Variants in SEC23A observed in about 807,000 individuals in gnomAD.
SEC23A encodes SEC23 homolog A, COPII component.
In SEC23A, 56 loss-of-function variants were observed where a neutral mutation model predicts 103.7. The ratio of observed to expected loss-of-function variants is 0.54; its 90% CI spans 0.44 to 0.67. The LOEUF is 0.67. Ranked by LOEUF, SEC23A falls within the 30% of genes least tolerant of loss-of-function variation. SEC23A has a pLI of 0.00. For missense variants in SEC23A, 784 were observed against 936.4 expected, an observed-to-expected ratio of 0.84 and a Z score of 2.12; for synonymous variants, 281 against 293.0, an observed-to-expected ratio of 0.96 and a Z score of 0.42.
At chr14:39,086,395 T>C (rs888094630) in intron 6 of SEC23A, among the ~76,000 whole-genome samples, 1 of 152,110 alleles carries the variant, frequency 6.6e-6, no homozygotes, top group African/African-American at 2.4e-5. Context: ...TCCCAGCACT[T>C]TGGGAGGCCG....
rs1885321380 is a variant in SEC23A at position 39,031,986 on chromosome 14, A to T, written c.*1253T>A. Reference sequence around the variant, plus strand: ...GTTCAATTCAAATAAAATATAACAAAGCAACTTATTTAAGCTAATTGAATA... The same window carrying T: ...GTTCAATTCAAATAAAATATAACAATGCAACTTATTTAAGCTAATTGAATA... On this transcript the variant is annotated 3_prime_UTR_variant, in exon 20 of 20. Transcript: ENST00000307712. 6.6e-6 allele frequency: 1 copy of T among 152,668 alleles called. No individual in the cohort carries two copies. The highest frequency in any genetic ancestry group is 1.5e-5 in the Non-Finnish European group (1 of 68,030). 9.5% of individuals were successfully genotyped at this position (152,668 alleles called of 1,614,324 possible).
chr14:39,095,346 G>A (rs916656122), intron 2 of SEC23A, among the ~76,000 whole-genome samples: 1 of 151,592 alleles, frequency 6.6e-6, no homozygotes, highest in Non-Finnish European at 1.5e-5. Flanking sequence ...CCCAGAGTTG[G>A]AGTACAGAGG....
chr14:39,078,603 A>T (rs1388353076), intron 7 of SEC23A, among the ~76,000 whole-genome samples: 1 of 152,210 alleles, frequency 6.6e-6, no homozygotes, highest in Non-Finnish European at 1.5e-5. Flanking sequence ...TTTGCATGAA[A>T]ATTAGAGGCT....
At position 39,049,802 on chromosome 14, in the gene SEC23A, T is replaced by TA. The variant is rs201798080; in HGVS notation, c.1660-1074_1660-1073insT. Among the ~76,000 whole-genome samples, 1,332 of 151,094 alleles carry TA rather than the reference T, an allele frequency of 8.8e-3. 20 individuals carry two copies. Among genetic ancestry groups the TA allele is most frequent in the African/African-American group, 0.031 (1,264 of 41,148 alleles). On this transcript the variant is annotated intron_variant, in intron 14 of 19. Coordinates refer to ENST00000307712, the MANE Select transcript of SEC23A (RefSeq NM_006364.4). ...CTCGAAAAAGAAAAAAACAATTTTT[T>TA]TTTTTTTGAGACAAGAGTCTCGCTC...
At chr14:39,082,079 C>T (rs935722565) in intron 7 of SEC23A, among the ~76,000 whole-genome samples, 2 of 151,918 alleles carry the variant, frequency 1.3e-5, no homozygotes, top group South Asian at 2.1e-4. Flanking sequence ...AGCAAACATG[C>T]GGCATTTAAT....
chr14:39,055,328 C>T (rs777616076), intron 13 of SEC23A, 32 bp from the exon 14 acceptor site: 81 of 1,603,968 alleles, frequency 5.0e-5, no homozygotes, highest in Admixed American at 8.3e-5. Flanking sequence ...AGAAATGCTT[C>T]TGAATTATTA....
At chr14:39,075,285 G>C (rs1471282079) in intron 8 of SEC23A, among the ~76,000 whole-genome samples, 1 of 152,044 alleles carries the variant, frequency 6.6e-6, no homozygotes, top group Admixed American at 6.6e-5. Flanking sequence ...TAGTTGGCAG[G>C]AAAGAAAAGC....
intron 17 of SEC23A, chr14:39,041,408 G>GCAAAAAAAAAAAAAAA (rs1885632564): frequency 1.1e-4 from 1 of 8,818 alleles, no homozygotes; most frequent in African/African-American, 4.3e-4. Flanking sequence ...CAAAGAAAAA[G>GCAAAAAAAAAAAAAAA]CAAAAAAAAA....
chr14:39,086,399 G>C (rs1331075059), intron 6 of SEC23A, among the ~76,000 whole-genome samples: 1 of 152,178 alleles, frequency 6.6e-6, no homozygotes, highest in Non-Finnish European at 1.5e-5. Context: ...AGCACTTTGG[G>C]AGGCCGAGGA....
At chr14:39,054,997 T>C (rs901517434) in intron 14 of SEC23A, 146 bp downstream of exon 14, 1 of 861,282 alleles carries the variant, frequency 1.2e-6, no homozygotes, top group African/African-American at 1.7e-5. Context: ...TTCATTACTG[T>C]GCTACTGTCT....
In SEC23A at chr14:39,074,400, A is replaced by T; in HGVS notation, c.1103+15T>A. On this transcript the variant is annotated intron_variant, in intron 9 of 19. Coordinates refer to ENST00000307712, the MANE Select transcript of SEC23A (RefSeq NM_006364.4). ...TGCTTATAATTACAAAAACTGTAAA[A>T]ATTTAAATACATACCCAGTAAGGTT... is the stretch of plus-strand genomic sequence containing the variant. The T allele has an allele frequency of 6.6e-7, 1 of 1,512,222 alleles. No homozygotes were observed. Among genetic ancestry groups the T allele is most frequent in the Non-Finnish European group, 9.2e-7 (1 of 1,087,804 alleles). 93.7% of individuals were successfully genotyped at this position (1,512,222 alleles called of 1,614,324 possible). A position where few individuals can be genotyped will look rare whatever the true frequency, so the allele number is the denominator to read the frequency against.
Position 39,061,756 on chromosome 14 carries a change from A to G in SEC23A, c.1505+9T>C. ...TATGAAAATCAAATCTCTAACAAATACAACTTACTTCCTAGCAATGGTGGT... is the reference window on the plus strand; with the variant it reads ...TATGAAAATCAAATCTCTAACAAATGCAACTTACTTCCTAGCAATGGTGGT... On this transcript the variant is annotated intron_variant, in intron 13 of 19. Coordinates refer to ENST00000307712, the MANE Select transcript of SEC23A (RefSeq NM_006364.4). 6.3e-7 allele frequency: 1 copy of G among 1,586,684 alleles called. No individual in the cohort carries two copies.
chr14:39,068,619 A>G (rs941316451), intron 9 of SEC23A, among the ~76,000 whole-genome samples: 9 of 152,214 alleles, frequency 5.9e-5, no homozygotes, highest in Admixed American at 3.3e-4. Flanking sequence ...GGAGTAATAC[A>G]CTGCTACAGA....
intron 6 of SEC23A, among the ~76,000 whole-genome samples, chr14:39,086,108 T>G (rs1371695569): frequency 6.6e-6 from 1 of 152,086 alleles, no homozygotes; most frequent in Non-Finnish European, 1.5e-5. Flanking sequence ...AGAGTTTGTT[T>G]CGGTAGGTCT....
chr14:39,079,076 C>T (rs902122796), intron 7 of SEC23A, among the ~76,000 whole-genome samples: 1 of 152,036 alleles, frequency 6.6e-6, no homozygotes, highest in Non-Finnish European at 1.5e-5. Context: ...AGACTACATC[C>T]AATTATCATC....
intron 19 of SEC23A, 28 bp downstream of exon 19, chr14:39,039,003 A>G: frequency 6.4e-7 from 1 of 1,558,640 alleles, no homozygotes; most frequent in South Asian, 1.1e-5. Context: ...CAAAGAAATA[A>G]TTTCCAAGAC....
chr14:39,055,045 G>C (rs1886194191), intron 14 of SEC23A, 98 bp downstream of exon 14: 2 of 1,408,232 alleles, frequency 1.4e-6, no homozygotes, highest in Non-Finnish European at 2.0e-6. Context: ...CAGTATTTCA[G>C]ATACACTGTT....
Position 39,087,000 on chromosome 14 carries a change from C to T in SEC23A, c.612G>A (p.Leu204=), listed in dbSNP as rs143358320. 85 of 1,558,930 alleles carry T rather than the reference C, an allele frequency of 5.5e-5. No individual in the cohort carries two copies. The African/African-American group carries it at 1.0e-3, about 19-fold the overall frequency. ...GAGTAAGTGGTACTTTAGAGAGCCC[C>T]AGCATTTCCTGTAAAGAGATTACTT... ...DLSAKQLQEM[L]GLSKVPLTQA... The change falls in exon 6 of 20, where the codon CTG becomes CTA. Residue 204 remains leucine, a synonymous_variant. Transcript: ENST00000307712.
chr14:39,077,252 A>G (rs1254285138), intron 7 of SEC23A, among the ~76,000 whole-genome samples: 10 of 149,086 alleles, frequency 6.7e-5, no homozygotes, highest in South Asian at 2.1e-4. Flanking sequence ...AAAAAAAAAA[A>G]AAAGAAAGAG....
Sources: gnomAD v4.1 joint callset for allele counts (sites outside exome capture counted in the v4.1 genomes callset) on GRCh38, gnomAD v4.1.1 for gene constraint, MANE v1.5 for transcripts, NCBI Gene and HGNC (gene_info 2026-07-23, HGNC 2026-07-21) for gene names.